The following ENAH variants were observed in gnomAD, a reference collection of about 807,000 sequenced individuals.
The protein encoded by ENAH is protein enabled homolog.
In ENAH, 23 loss-of-function variants were observed where a neutral mutation model predicts 78.7. The ratio of observed to expected loss-of-function variants is 0.29; its 90% confidence interval spans 0.21 to 0.41. The LOEUF is 0.41. Among genes scored for constraint, ENAH ranks in the 10% least tolerant of loss-of-function variants. The pLI is 1.00. For missense variants in ENAH, 544 were observed against 691.0 expected (o/e 0.79, Z 2.39); for synonymous variants, 226 against 241.0 (o/e 0.94, Z 0.58).
intron 1 of ENAH, chr1:225,580,277 T>A (rs1454781671): frequency 1.3e-5 from 2 of 151,928 alleles, no homozygotes; most frequent in African/African-American, 4.8e-5. Flanking sequence ...GCCACCACCT[T>A]ATGGAGAGGC....
intron 4 of ENAH, among the ~76,000 whole-genome samples, chr1:225,527,900 A>G (rs2096517753): frequency 6.6e-6 from 1 of 152,208 alleles, no homozygotes; most frequent in South Asian, 2.1e-4. Context: ...GGCAGCAAGA[A>G]AAGAGTGTGT....
At chr1:225,619,723 C>T (rs893916814) in intron 1 of ENAH, among the ~76,000 whole-genome samples, 2 of 152,160 alleles carry the variant, frequency 1.3e-5, no homozygotes, top group African/African-American at 4.8e-5. Context: ...CCTGAATGGT[C>T]TCAGAGAAAT....
At chr1:225,551,370 T>C (rs935975105) in intron 3 of ENAH, among the ~76,000 whole-genome samples, 1 of 152,106 alleles carries the variant, frequency 6.6e-6, no homozygotes, top group Non-Finnish European at 1.5e-5. Flanking sequence ...CAGAGCACCT[T>C]GTAAAGGTTG....
chr1:225,498,219 A>C (rs2096260452), intron 13 of ENAH, 128 bp downstream of exon 13: 1 of 715,114 alleles, frequency 1.4e-6, no homozygotes, highest in Non-Finnish European at 2.3e-6. Context: ...CCTAATCCTA[A>C]AAGGGCAGGA....
chr1:225,652,798 C>G lies in ENAH; in HGVS notation c.-108G>C. The G allele has an allele frequency of 1.0e-6, 1 of 967,128 alleles. No individual in the cohort carries two copies. Among genetic ancestry groups the G allele is most frequent in the Non-Finnish European group, 1.4e-6 (1 of 734,336 alleles). 59.9% of individuals were successfully genotyped at this position (967,128 alleles called of 1,614,324 possible). A position where few individuals can be genotyped will look rare whatever the true frequency, so the allele number is the denominator to read the frequency against. ...TGGGGAGCAGCTCGGAGACGGGAGA[C>G]AAGTGTCCGGCTCCTCCTTCGGCGG... On this transcript the variant is annotated 5_prime_UTR_variant, in exon 1 of 14. Coordinates refer to ENST00000366843, the MANE Select transcript of ENAH (RefSeq NM_018212.6).
intron 3 of ENAH, among the ~76,000 whole-genome samples, chr1:225,540,307 GA>G (rs2096583023): frequency 6.6e-6 from 1 of 152,038 alleles, no homozygotes; most frequent in Non-Finnish European, 1.5e-5. Flanking sequence ...TCATTTTAAG[GA>G]AACACAATTT....
At chr1:225,526,239 C>A (rs1055234700) in intron 4 of ENAH, among the ~76,000 whole-genome samples, 3 of 152,086 alleles carry the variant, frequency 2.0e-5, no homozygotes, top group Non-Finnish European at 4.4e-5. Flanking sequence ...ACTTTACTTT[C>A]TTTCTCATAT....
chr1:225,534,134 T>C (rs894271297), intron 3 of ENAH, among the ~76,000 whole-genome samples: 7 of 152,244 alleles, frequency 4.6e-5, no homozygotes, highest in Admixed American at 2.0e-4. Context: ...GTTTTCAAAA[T>C]GAGCTAAAGA....
chr1:225,508,070 T>TTATAAAAC (rs2096348182), intron 10 of ENAH, 53 bp from the exon 11 acceptor site: 1 of 1,181,634 alleles, frequency 8.5e-7, no homozygotes, highest in African/African-American at 1.6e-5. Flanking sequence ...TCCAGAGTTA[T>TTATAAAAC]TATAAAACAA....
In ENAH at chr1:225,585,844, C is replaced by G. The variant is rs1248084668; in HGVS notation, c.6-18430G>C. 1.3e-5 allele frequency among the ~76,000 whole-genome samples: 2 copies of G among 151,838 alleles called. 1 individual carries two copies. The highest frequency in any genetic ancestry group is 2.9e-5 in the Non-Finnish European group (2 of 67,988). ...TCATGAGATGCAGCTAAAGCAGTGACGAATGGGAAATTTATAGTTGTGAAT... is the reference window on the plus strand; with the variant it reads ...TCATGAGATGCAGCTAAAGCAGTGAGGAATGGGAAATTTATAGTTGTGAAT... On this transcript the variant is annotated intron_variant, in intron 1 of 13. Coordinates refer to ENST00000366843, the MANE Select transcript of ENAH (RefSeq NM_018212.6).
At chr1:225,518,611 A>C (rs910867126) in intron 5 of ENAH, among the ~76,000 whole-genome samples, 5 of 152,230 alleles carry the variant, frequency 3.3e-5, no homozygotes, top group Non-Finnish European at 7.4e-5. Context: ...CCTATAATGA[A>C]TGTTAATTTT....
intron 4 of ENAH, among the ~76,000 whole-genome samples, chr1:225,525,340 C>G (rs528790054): frequency 6.6e-6 from 1 of 152,278 alleles, no homozygotes; most frequent in African/African-American, 2.4e-5. Flanking sequence ...CATTTACTTT[C>G]TAGAACAATT....
At chr1:225,554,295 T>A (rs1051927021) in intron 3 of ENAH, among the ~76,000 whole-genome samples, 13 of 152,198 alleles carry the variant, frequency 8.5e-5, no homozygotes, top group Admixed American at 7.9e-4. Flanking sequence ...ACTGAGCTTA[T>A]CCTTGACATA....
chr1:225,512,557 T>G (rs2096385544), intron 9 of ENAH, 100 bp downstream of exon 9: 1 of 1,234,662 alleles, frequency 8.1e-7, no homozygotes, highest in Non-Finnish European at 1.1e-6. Flanking sequence ...AAGTTCAAAC[T>G]AATTAAGCCC....
chr1:225,635,862 G>A (rs1281185363), intron 1 of ENAH, among the ~76,000 whole-genome samples: 1 of 152,174 alleles, frequency 6.6e-6, no homozygotes, highest in Non-Finnish European at 1.5e-5. Flanking sequence ...GCCAAAGACT[G>A]CCAGCAAACC....
At chr1:225,575,135 CTG>C (rs1405904109) in intron 1 of ENAH, among the ~76,000 whole-genome samples, 13 of 152,310 alleles carry the variant, frequency 8.5e-5, no homozygotes, top group African/African-American at 3.1e-4. Context: ...GTGACCCTCA[CTG>C]CTCCACACAC....
chr1:225,488,590 C>G lies in ENAH; in HGVS notation c.*9185G>C, dbSNP rs1436057955. ...TTACAGAAATACTTTGCATCAACTA[C>G]AGATGTCTCAAAATAGAATTCTTTC... On this transcript the variant is annotated 3_prime_UTR_variant, in exon 14 of 14. Coordinates refer to ENST00000366843, the MANE Select transcript of ENAH (RefSeq NM_018212.6). The G allele has an allele frequency of 6.6e-6, 1 of 152,174 alleles. No individual in the cohort carries two copies. The highest frequency in any genetic ancestry group is 6.5e-5 in the Admixed American group (1 of 15,282). 9.4% of individuals were successfully genotyped at this position (152,174 alleles called of 1,614,324 possible).
chr1:225,498,483 A>G, intron 12 of ENAH, 79 bp from the exon 13 acceptor site: 1 of 867,004 alleles, frequency 1.2e-6, no homozygotes. Flanking sequence ...AATTTTAAGA[A>G]TGTCATGAAA....
At chr1:225,630,342 T>C (rs549638940) in intron 1 of ENAH, among the ~76,000 whole-genome samples, 14 of 152,296 alleles carry the variant, frequency 9.2e-5, no homozygotes, top group African/African-American at 3.4e-4. Context: ...GTTGGACTGT[T>C]GGTGTTTGAA....
Sources: allele counts gnomAD v4.1 joint callset (sites outside exome capture counted in the v4.1 genomes callset), GRCh38; gene constraint gnomAD v4.1.1; transcripts MANE v1.5; gene names NCBI Gene and HGNC (gene_info 2026-07-23, HGNC 2026-07-21).